Variants in KIF13A observed in about 807,000 individuals in gnomAD.
KIF13A encodes the protein kinesin family member 13A.
KIF13A carries 79 observed loss-of-function variants against 212.2 expected under a neutral mutation model. The ratio of observed to expected loss-of-function variants is 0.37; its 90% CI spans 0.31 to 0.45. The LOEUF is 0.45. Among genes scored for constraint, KIF13A ranks in the 20% least tolerant of loss-of-function variants. KIF13A has a pLI of 1.00. For missense variants in KIF13A, 1,901 were observed against 2,209.0 expected (o/e 0.86, Z 2.79); for synonymous variants, 789 against 808.6 (o/e 0.98, Z 0.41).
At chr6:17,847,024 T>C (rs1404936335) in intron 9 of KIF13A, among the ~76,000 whole-genome samples, 1 of 152,224 alleles carries the variant, frequency 6.6e-6, no homozygotes, top group Admixed American at 6.5e-5. Flanking sequence ...CATGCCTTGA[T>C]GCTGATGTGA....
intron 3 of KIF13A, among the ~76,000 whole-genome samples, chr6:17,873,930 T>C (rs546178172): frequency 7.2e-5 from 11 of 152,336 alleles, no homozygotes; most frequent in Admixed American, 3.3e-4. Context: ...TGGTTAGCTT[T>C]CTGTATTAGA....
chr6:17,865,070 T>C (rs1461391226), intron 4 of KIF13A, among the ~76,000 whole-genome samples: 2 of 152,168 alleles, frequency 1.3e-5, no homozygotes, highest in African/African-American at 4.8e-5. Context: ...TGGGAGGATA[T>C]ACGCCCTATC....
chr6:17,842,380 T>C (rs981652483), intron 9 of KIF13A, among the ~76,000 whole-genome samples: 1 of 152,028 alleles, frequency 6.6e-6, no homozygotes, highest in Admixed American at 6.6e-5. Flanking sequence ...AATTATTTTA[T>C]TCCCAGGGAA....
chr6:17,901,883 G>A (rs1317953167), intron 2 of KIF13A, among the ~76,000 whole-genome samples: 1 of 152,204 alleles, frequency 6.6e-6, no homozygotes, highest in African/African-American at 2.4e-5. Context: ...TATAATCTCA[G>A]CTACTAGGAA....
chr6:17,942,223 G>T (rs1005505310), intron 2 of KIF13A, among the ~76,000 whole-genome samples: 1 of 151,860 alleles, frequency 6.6e-6, no homozygotes, highest in African/African-American at 2.4e-5. Flanking sequence ...GATTACTTGA[G>T]CCCAGGAAGT....
At chr6:17,824,994 G>A (rs1764841780) in intron 16 of KIF13A, among the ~76,000 whole-genome samples, 1 of 152,096 alleles carries the variant, frequency 6.6e-6, no homozygotes, top group South Asian at 2.1e-4. Context: ...AATCATTCTA[G>A]TCCCAGAAAT....
chr6:17,891,078 C>T (rs1249287889), intron 3 of KIF13A, among the ~76,000 whole-genome samples: 11 of 152,096 alleles, frequency 7.2e-5, no homozygotes, highest in Admixed American at 5.2e-4. Context: ...GACAAAGCCT[C>T]TTTTTTCCCC....
chr6:17,835,956 GA>G (rs1765918069), intron 11 of KIF13A, among the ~76,000 whole-genome samples: 1 of 151,894 alleles, frequency 6.6e-6, no homozygotes, highest in Admixed American at 6.6e-5. Flanking sequence ...TGTGAACTTA[GA>G]AGTGTCAGAT....
chr6:17,948,602 G>A lies in KIF13A; in HGVS notation c.146+38452C>T, dbSNP rs183302083. On this transcript the variant is annotated intron_variant, in intron 2 of 38. Transcript: ENST00000259711. ...TTTTTGAGACAAGTCTCACTCTGTC[G>A]TCCAGGCTGGACTGCAGCAGCGTGA... Among the ~76,000 whole-genome samples, 231 of 118,026 alleles carry A rather than the reference G, an allele frequency of 2.0e-3. 3 individuals carry two copies. The highest frequency in any genetic ancestry group is 1.0e-3 in the African/African-American group (30 of 29,238). The allele number at this position is 118,026 out of a possible 152,430, so 77.4% of individuals were successfully genotyped here.
chr6:17,822,829 C>A (rs1764582557), intron 16 of KIF13A, among the ~76,000 whole-genome samples: 1 of 152,156 alleles, frequency 6.6e-6, no homozygotes, highest in African/African-American at 2.4e-5. Context: ...CTGAACGTCA[C>A]TTCGAAATGT....
chr6:17,976,548 C>G (rs1254724465), intron 2 of KIF13A, among the ~76,000 whole-genome samples: 4 of 152,182 alleles, frequency 2.6e-5, no homozygotes, highest in Non-Finnish European at 5.9e-5. Flanking sequence ...CGCGCAGCCC[C>G]GGTTCCCGCT....
At chr6:17,948,426 A>T (rs547711788) in intron 2 of KIF13A, among the ~76,000 whole-genome samples, 2 of 152,342 alleles carry the variant, frequency 1.3e-5, no homozygotes, top group East Asian at 3.9e-4. Flanking sequence ...AACTTCAGAA[A>T]AAATGACAGA....
Position 17,795,430 on chromosome 6 carries a change from A to C in KIF13A, c.2943-726T>G, listed in dbSNP as rs533968088. ...AAACCCTGTCTCTACCAAAAATACA[A>C]AAAAAAAAAAAAAAATTATCCGGGC... On this transcript the variant is annotated intron_variant, in intron 23 of 38. Coordinates refer to ENST00000259711, the MANE Select transcript of KIF13A (RefSeq NM_022113.6). Among the ~76,000 whole-genome samples the C allele has an allele frequency of 1.1e-3, 141 of 128,258 alleles. 3 individuals are homozygous for C. Among genetic ancestry groups the C allele is most frequent in the African/African-American group, 4.1e-3 (134 of 32,832 alleles). The allele number at this position is 128,258 out of a possible 152,430, so 84.1% of individuals were successfully genotyped here.
At position 17,817,030 on chromosome 6, in the gene KIF13A, C is replaced by A. The variant is rs757023213; in HGVS notation, c.1990G>T (p.Ala664Ser). The change falls in exon 17 of 39, where the codon GCA becomes TCA. Residue 664 changes from alanine (A) to serine (S), a missense_variant. By Grantham distance (99) the Ala-to-Ser change is moderately conservative (BLOSUM62 1). Transcript: ENST00000259711. ...QTAQQKVTQW[A>S]EERDELFRQS... is the part of the protein sequence containing the mutation. The stretch of plus-strand genomic sequence containing the variant: ...CGCTGCAGTTCTTACCTCTCTTCTG[C>A]CCACTGGGTCACCTTCTGCTGCGCT... 6 of 1,610,864 alleles carry A rather than the reference C, an allele frequency of 3.7e-6. No individual in the cohort carries two copies. In the African/African-American group the frequency reaches 8.0e-5, roughly 22 times the overall value.
At chr6:17,810,379 A>G (rs1455940547) in intron 17 of KIF13A, among the ~76,000 whole-genome samples, 1 of 152,116 alleles carries the variant, frequency 6.6e-6, no homozygotes, top group Non-Finnish European at 1.5e-5. Context: ...ATAAATCCCA[A>G]ACTCCAAATC....
chr6:17,932,094 A>G (rs1776034351), intron 2 of KIF13A, among the ~76,000 whole-genome samples: 1 of 152,280 alleles, frequency 6.6e-6, no homozygotes, highest in East Asian at 1.9e-4. Flanking sequence ...CTGTGTTTTA[A>G]TAAGCCCTCC....
rs1485840478 is a variant in KIF13A, at chr6:17,799,546, T to C, written c.2617-107A>G. 1.1e-5 allele frequency: 10 copies of C among 885,512 alleles called. No homozygotes were observed. The highest frequency in any genetic ancestry group is 1.7e-5 in the Non-Finnish European group (10 of 595,478). The allele number at this position is 885,512 out of a possible 1,614,324, so 54.9% of individuals were successfully genotyped here. On this transcript the variant is annotated intron_variant, in intron 21 of 38. Coordinates refer to ENST00000259711, the MANE Select transcript of KIF13A (RefSeq NM_022113.6). The surrounding 1 kb of genome is among the most constrained non-coding windows in gnomAD (Gnocchi z 4.4). Reference sequence around the variant, plus strand: ...GCGATGAAACAAATTGGTCATCCATTTGACATGTGAAAATATTATATCTGA... The same window carrying C: ...GCGATGAAACAAATTGGTCATCCATCTGACATGTGAAAATATTATATCTGA...
chr6:17,884,981 C>T (rs1452074703), intron 3 of KIF13A, among the ~76,000 whole-genome samples: 1 of 152,154 alleles, frequency 6.6e-6, no homozygotes, highest in Non-Finnish European at 1.5e-5. Context: ...TTTCACCACA[C>T]CATGTTATGA....
rs1165232666 is a variant in KIF13A at position 17,886,534 on chromosome 6, G to A, written c.159+11634C>T. ...GATGGATCAACACCAAGAGACAAGG[G>A]AGATGGATATCTTTTCTTCCTGGGG... On this transcript the variant is annotated intron_variant, in intron 3 of 38. Transcript: ENST00000259711. The surrounding 1 kb of genome is among the most constrained non-coding windows in gnomAD (Gnocchi z 5.6). 6.6e-6 allele frequency among the ~76,000 whole-genome samples: 1 copy of A among 152,188 alleles called. No individual in the cohort carries two copies. Among genetic ancestry groups the A allele is most frequent in the Non-Finnish European group, 1.5e-5 (1 of 68,042 alleles).
Sources: gnomAD v4.1 joint callset for allele counts (sites outside exome capture counted in the v4.1 genomes callset) on GRCh38, gnomAD v4.1.1 for gene constraint, Gnocchi (gnomAD v3.1) non-coding constraint, MANE v1.5 for transcripts, NCBI Gene and HGNC (gene_info 2026-07-23, HGNC 2026-07-21) for gene names.